Variants in SPAG16 observed in about 807,000 individuals in gnomAD.
SPAG16 encodes the protein sperm-associated antigen 16 protein.
In SPAG16, 86 loss-of-function variants were observed where a neutral mutation model predicts 80.4. That is an observed-to-expected ratio of 1.07 (90% CI 0.90 to 1.28). The LOEUF is 1.28. SPAG16 is among the 50% of genes most tolerant of loss of function. The pLI, the probability that SPAG16 is intolerant of heterozygous loss-of-function variation, is 0.00. For missense variants in SPAG16, 870 were observed against 765.3 expected, an observed-to-expected ratio of 1.14 and a Z score of -1.61; for synonymous variants, 294 against 265.9, an observed-to-expected ratio of 1.11 and a Z score of -1.03.
intron 15 of SPAG16, among the ~76,000 whole-genome samples, chr2:214,154,413 A>T (rs954501328): frequency 6.6e-6 from 1 of 152,048 alleles, no homozygotes; most frequent in African/African-American, 2.4e-5. Flanking sequence ...GTTTCCCAAC[A>T]TTATGTTCTC....
At position 214,025,625 on chromosome 2, in the gene SPAG16, A is replaced by G. The variant is rs578236512; in HGVS notation, c.1527+11548A>G. ...TTTCCGGCATTCTGCTGTGGTTGCT[A>G]TTGTGATCCGTGTAAGGTAAAACAA... On this transcript the variant is annotated intron_variant, in intron 13 of 15. Transcript: ENST00000331683. Among the ~76,000 whole-genome samples, 1,021 of 151,750 alleles carry G rather than the reference A, an allele frequency of 6.7e-3. 18 individuals are homozygous for G. The highest frequency in any genetic ancestry group is 0.023 in the African/African-American group (951 of 41,510).
intron 10 of SPAG16, among the ~76,000 whole-genome samples, chr2:213,708,147 T>A (rs558451971): frequency 6.6e-6 from 1 of 152,288 alleles, no homozygotes; most frequent in Admixed American, 6.5e-5. Flanking sequence ...ATAGACCAGT[T>A]TTAAAGATGA....
chr2:213,701,558 G>A (rs1451656273), intron 10 of SPAG16, among the ~76,000 whole-genome samples: 2 of 152,066 alleles, frequency 1.3e-5, no homozygotes, highest in African/African-American at 4.8e-5. Flanking sequence ...GGTGTGGAGG[G>A]CGCTGCTCTG....
intron 10 of SPAG16, among the ~76,000 whole-genome samples, chr2:213,800,839 C>T (rs376524848): frequency 2.6e-5 from 4 of 152,098 alleles, no homozygotes; most frequent in African/African-American, 4.8e-5. Flanking sequence ...CAGTAGAGTA[C>T]GCTGTGCCAA....
intron 10 of SPAG16, among the ~76,000 whole-genome samples, chr2:213,802,241 G>T (rs1198012474): frequency 6.6e-6 from 1 of 152,184 alleles, no homozygotes; most frequent in Non-Finnish European, 1.5e-5. Flanking sequence ...GTGGTCAGAA[G>T]ATAGGGACTG....
intron 10 of SPAG16, among the ~76,000 whole-genome samples, chr2:213,832,647 A>G (rs375475130): frequency 6.6e-6 from 1 of 152,152 alleles, no homozygotes; most frequent in Non-Finnish European, 1.5e-5. Context: ...GCCAAGAAGA[A>G]TTGGAACAGA....
rs1010313644 is a variant in SPAG16, at chr2:214,245,072, A to G, written c.1720+95806A>G. Among the ~76,000 whole-genome samples the G allele has an allele frequency of 1.3e-5, 2 of 152,122 alleles. 1 individual carries two copies. The highest frequency in any genetic ancestry group is 4.1e-4 in the South Asian group (2 of 4,830). Reference sequence around the variant, plus strand: ...GTGTCCTTGAATTACTATTGTCTGAATCTGCATTCTATCTATAAATTATGC... The same window carrying G: ...GTGTCCTTGAATTACTATTGTCTGAGTCTGCATTCTATCTATAAATTATGC... On this transcript the variant is annotated intron_variant, in intron 15 of 15. Coordinates refer to ENST00000331683, the MANE Select transcript of SPAG16 (RefSeq NM_024532.5).
chr2:213,929,236 A>G (rs1007505697), intron 11 of SPAG16, among the ~76,000 whole-genome samples: 3 of 149,360 alleles, frequency 2.0e-5, no homozygotes, highest in Non-Finnish European at 4.4e-5. Flanking sequence ...TTTTTCTACA[A>G]CTCCTGACCT....
intron 15 of SPAG16, among the ~76,000 whole-genome samples, chr2:214,206,183 A>AAT (rs1553526441): frequency 1.1e-4 from 17 of 151,986 alleles, no homozygotes; most frequent in Non-Finnish European, 1.6e-4. Context: ...TGTCTCAAAA[A>AAT]ATATATATAT....
chr2:214,249,548 G>A (rs1030587775), intron 15 of SPAG16, among the ~76,000 whole-genome samples: 4 of 152,038 alleles, frequency 2.6e-5, no homozygotes, highest in African/African-American at 9.7e-5. Flanking sequence ...CATTTAACTA[G>A]TAACTGTAAA....
chr2:214,163,538 ATG>A (rs147445137), intron 15 of SPAG16, among the ~76,000 whole-genome samples: 98 of 148,624 alleles, frequency 6.6e-4, no homozygotes, highest in Middle Eastern at 3.5e-3. Flanking sequence ...GTATGTATAT[ATG>A]TGTGTGTGTG....
intron 10 of SPAG16, among the ~76,000 whole-genome samples, chr2:213,752,564 T>C (rs2068124760): frequency 6.6e-6 from 1 of 152,192 alleles, no homozygotes; most frequent in Non-Finnish European, 1.5e-5. Flanking sequence ...TACTCATGAT[T>C]TTATCTTTTC....
At chr2:213,345,330 T>G (rs1245884879) in intron 6 of SPAG16, among the ~76,000 whole-genome samples, 1 of 109,546 alleles carries the variant, frequency 9.1e-6, no homozygotes, top group African/African-American at 3.9e-5. Flanking sequence ...TTCTGTAGGT[T>G]GCCTGTTCAC....
At chr2:214,086,692 A>G (rs2125291457) in intron 13 of SPAG16, among the ~76,000 whole-genome samples, 1 of 152,290 alleles carries the variant, frequency 6.6e-6, no homozygotes, top group South Asian at 2.1e-4. Context: ...AGTCTCCAGA[A>G]GTTCTTTATA....
At chr2:213,925,112 C>A (rs1359198089) in intron 11 of SPAG16, among the ~76,000 whole-genome samples, 1 of 143,586 alleles carries the variant, frequency 7.0e-6, no homozygotes, top group Non-Finnish European at 1.5e-5. Context: ...AGCACATGAA[C>A]TTTATTAATA....
At chr2:213,566,693 A>C (rs1345151161) in intron 10 of SPAG16, among the ~76,000 whole-genome samples, 1 of 152,196 alleles carries the variant, frequency 6.6e-6, no homozygotes, top group African/African-American at 2.4e-5. Flanking sequence ...TCTGCATAAC[A>C]ATCTAATTCA....
intron 13 of SPAG16, among the ~76,000 whole-genome samples, chr2:214,079,773 G>C (rs1015905027): frequency 5.3e-5 from 8 of 152,200 alleles, no homozygotes; most frequent in Middle Eastern, 3.4e-3. Flanking sequence ...TCTGGGAATG[G>C]GAGACAAGAG....
intron 10 of SPAG16, among the ~76,000 whole-genome samples, chr2:213,720,883 C>T (rs2066502288): frequency 1.3e-5 from 2 of 149,254 alleles, no homozygotes; most frequent in Admixed American, 1.3e-4. Flanking sequence ...TTAGCTGGGA[C>T]TACAGTTGCC....
chr2:213,399,109 T>G (rs339817), intron 9 of SPAG16, among the ~76,000 whole-genome samples: 3,906 of 152,122 alleles, frequency 0.026, 163 homozygotes, highest in African/African-American at 0.088. Context: ...ATTCTAAAAA[T>G]TTTTATTTGT....
Sources: allele counts gnomAD v4.1 joint callset (sites outside exome capture counted in the v4.1 genomes callset), GRCh38; gene constraint gnomAD v4.1.1; transcripts MANE v1.5; gene names NCBI Gene and HGNC (gene_info 2026-07-23, HGNC 2026-07-21).